The following SDCCAG8 variants were observed in gnomAD, a reference collection of about 807,000 sequenced individuals.
SDCCAG8 encodes serologically defined colon cancer antigen 8.
In SDCCAG8, 74 loss-of-function variants were observed where a neutral mutation model predicts 101.8. That is an observed-to-expected ratio of 0.73 (90% confidence interval 0.60 to 0.88). The LOEUF is 0.88. Ranked by LOEUF, SDCCAG8 falls within the 40% of genes least tolerant of loss-of-function variation. The probability of loss-of-function intolerance (pLI) is 0.00; values close to 1 mark genes in which losing one functional copy is unlikely to be tolerated. For synonymous variants in SDCCAG8, 281 were observed against 292.9 expected, an observed-to-expected ratio of 0.96 and a Z score of 0.41; for missense variants, 787 against 822.6, an observed-to-expected ratio of 0.96 and a Z score of 0.53.
intron 12 of SDCCAG8, among the ~76,000 whole-genome samples, chr1:243,351,190 A>G (rs1423745645): frequency 6.6e-6 from 1 of 152,174 alleles, no homozygotes; most frequent in African/African-American, 2.4e-5. Context: ...CCTTTGGTAC[A>G]TGTAATCACT....
chr1:243,437,017 C>A (rs2082178479), intron 16 of SDCCAG8, among the ~76,000 whole-genome samples: 1 of 152,174 alleles, frequency 6.6e-6, no homozygotes, highest in African/African-American at 2.4e-5. Flanking sequence ...CTCTTTCAGT[C>A]AATTCACTCT....
At chr1:243,291,130 G>A (rs915570491) in intron 5 of SDCCAG8, among the ~76,000 whole-genome samples, 2 of 152,160 alleles carry the variant, frequency 1.3e-5, no homozygotes, top group African/African-American at 4.8e-5. Flanking sequence ...TCAGTGTCTG[G>A]GGACCTGTCC....
At chr1:243,442,888 A>G (rs1437951234) in intron 16 of SDCCAG8, among the ~76,000 whole-genome samples, 1 of 152,242 alleles carries the variant, frequency 6.6e-6, no homozygotes, top group Non-Finnish European at 1.5e-5. Context: ...TGCTTGGCAT[A>G]TCTCCAGCAA....
chr1:243,431,825 C>T lies in SDCCAG8; in HGVS notation c.1985+5267C>T, dbSNP rs531091942. Among the ~76,000 whole-genome samples, 22 of 152,270 alleles carry T rather than the reference C, an allele frequency of 1.4e-4. No homozygotes were observed. In the South Asian group the frequency reaches 4.6e-3, roughly 32 times the overall value. ...CTGGGCGTTCACTGTCACCGACTCC[C>T]AGTAATCCCGGGGGTTTCGTCAATT... On this transcript the variant is annotated intron_variant, in intron 16 of 17. Coordinates refer to ENST00000366541, the MANE Select transcript of SDCCAG8 (RefSeq NM_006642.5).
rs922518419 is a variant in SDCCAG8 at position 243,458,898 on chromosome 1, G to A, written c.1986-30116G>A. Among the ~76,000 whole-genome samples the A allele has an allele frequency of 2.0e-5, 3 of 152,340 alleles. No homozygotes were observed. The highest frequency in any genetic ancestry group is 2.9e-5 in the Non-Finnish European group (2 of 68,046). On this transcript the variant is annotated intron_variant, in intron 16 of 17. Coordinates refer to ENST00000366541, the MANE Select transcript of SDCCAG8 (RefSeq NM_006642.5). The surrounding 1 kb of genome is among the most constrained non-coding windows in gnomAD (Gnocchi z 4.5). The stretch of plus-strand genomic sequence containing the variant: ...GTTTCTGAATTGAGTCCCAAGATAC[G>A]TGCCTTAAGCTATTGCATGAATATC...
intron 10 of SDCCAG8, among the ~76,000 whole-genome samples, chr1:243,339,742 A>G (rs1004090671): frequency 4.6e-5 from 7 of 152,222 alleles, no homozygotes; most frequent in Non-Finnish European, 8.8e-5. Context: ...TTCTTAATTT[A>G]CTAAAACTTT....
intron 4 of SDCCAG8, among the ~76,000 whole-genome samples, chr1:243,279,146 T>G (rs1296764331): frequency 6.6e-6 from 1 of 152,138 alleles, no homozygotes; most frequent in African/African-American, 2.4e-5. Flanking sequence ...TGGAATGATG[T>G]TGAATGGTTG....
intron 12 of SDCCAG8, among the ~76,000 whole-genome samples, chr1:243,370,207 T>C (rs2077208808): frequency 1.3e-5 from 2 of 152,118 alleles, no homozygotes; most frequent in Admixed American, 1.3e-4. Flanking sequence ...TATCTATGTA[T>C]GCAAATATGT....
intron 6 of SDCCAG8, among the ~76,000 whole-genome samples, chr1:243,304,464 G>A (rs200022526): frequency 6.6e-6 from 1 of 152,030 alleles, no homozygotes; most frequent in East Asian, 1.9e-4. Flanking sequence ...ACACTTTTAG[G>A]GATAAGACCT....
At chr1:243,294,780 T>G (rs1191793503) in intron 6 of SDCCAG8, among the ~76,000 whole-genome samples, 1 of 148,816 alleles carries the variant, frequency 6.7e-6, no homozygotes, top group Non-Finnish European at 1.5e-5. Context: ...AAATAATACT[T>G]TTCAATCCTT....
intron 13 of SDCCAG8, among the ~76,000 whole-genome samples, chr1:243,390,916 A>G (rs927055453): frequency 7.2e-5 from 11 of 152,204 alleles, no homozygotes; most frequent in Non-Finnish European, 4.4e-5. Flanking sequence ...AAAGCCCATC[A>G]CCTTGATGTT....
At position 243,477,409 on chromosome 1, in the gene SDCCAG8, G is replaced by T. The variant is rs1662658509; in HGVS notation, c.1986-11605G>T. On this transcript the variant is annotated intron_variant, in intron 16 of 17. Transcript: ENST00000366541. ...GCTGATTAAGGTAACTCTTACTTCAGGCAGATGGTCTTCTAGGTTCTTCAA... is the reference window on the plus strand; with the variant it reads ...GCTGATTAAGGTAACTCTTACTTCATGCAGATGGTCTTCTAGGTTCTTCAA... Among the ~76,000 whole-genome samples the T allele has an allele frequency of 2.0e-5, 3 of 152,298 alleles. No homozygotes were observed. The South Asian group carries it at 6.2e-4, about 32-fold the overall frequency.
intron 13 of SDCCAG8, among the ~76,000 whole-genome samples, chr1:243,402,030 A>G (rs2079430262): frequency 6.6e-6 from 1 of 152,222 alleles, no homozygotes; most frequent in Non-Finnish European, 1.5e-5. Flanking sequence ...GGTGGTAGAC[A>G]AAGGAGTGGC....
At chr1:243,292,879 A>G (rs2070413380) in intron 5 of SDCCAG8, among the ~76,000 whole-genome samples, 1 of 152,186 alleles carries the variant, frequency 6.6e-6, no homozygotes, top group Non-Finnish European at 1.5e-5. Context: ...GCCCATATTT[A>G]GATTACTGCC....
At chr1:243,403,120 C>T (rs1394644796) in intron 13 of SDCCAG8, among the ~76,000 whole-genome samples, 1 of 152,150 alleles carries the variant, frequency 6.6e-6, no homozygotes, top group Non-Finnish European at 1.5e-5. Flanking sequence ...CTGGACGTTG[C>T]CGGTTGCCTC....
At chr1:243,463,718 T>C (rs1659580660) in intron 16 of SDCCAG8, among the ~76,000 whole-genome samples, 1 of 152,242 alleles carries the variant, frequency 6.6e-6, no homozygotes, top group Non-Finnish European at 1.5e-5. Context: ...TTTTGAGTTT[T>C]TAGTAATCCA....
At chr1:243,356,586 A>G (rs1396492005) in intron 12 of SDCCAG8, among the ~76,000 whole-genome samples, 1 of 152,130 alleles carries the variant, frequency 6.6e-6, no homozygotes, top group Non-Finnish European at 1.5e-5. Context: ...ATCCATCAGT[A>G]TAATAATGCA....
At chr1:243,316,280 A>C (rs1287016170) in intron 8 of SDCCAG8, among the ~76,000 whole-genome samples, 1 of 152,216 alleles carries the variant, frequency 6.6e-6, no homozygotes, top group Non-Finnish European at 1.5e-5. Flanking sequence ...AAGTGCAAAA[A>C]AGAGGATTGT....
At chr1:243,298,547 C>G (rs941949705) in intron 6 of SDCCAG8, among the ~76,000 whole-genome samples, 2 of 151,982 alleles carry the variant, frequency 1.3e-5, no homozygotes, top group African/African-American at 4.8e-5. Flanking sequence ...GAACTCCTGA[C>G]CTCAAGTGAT....
Sources: gnomAD v4.1 joint callset for allele counts (sites outside exome capture counted in the v4.1 genomes callset) on GRCh38, gnomAD v4.1.1 for gene constraint, Gnocchi (gnomAD v3.1) non-coding constraint, MANE v1.5 for transcripts, NCBI Gene and HGNC (gene_info 2026-07-23, HGNC 2026-07-21) for gene names.